The following FGF17 variants were observed in gnomAD, a reference collection of about 807,000 sequenced individuals.
The protein encoded by FGF17 is fibroblast growth factor 17.
Under a neutral mutation model 23.5 loss-of-function variants are expected in FGF17, and 5 were observed. The observed-to-expected ratio is 0.21, with a 90% confidence interval of 0.11 to 0.45. FGF17 has a LOEUF of 0.45. FGF17 is among the 20% of genes least tolerant of loss of function. The pLI is 0.99. For missense variants in FGF17, 221 were observed against 306.9 expected (o/e 0.72, Z 2.09); for synonymous variants, 136 against 123.0 (o/e 1.11, Z -0.70).
intron 3 of FGF17, 107 bp downstream of exon 3, chr8:22,046,398 C>A: frequency 6.8e-7 from 1 of 1,473,734 alleles, no homozygotes; most frequent in Non-Finnish European, 9.3e-7. Flanking sequence ...GGCTGAGGGC[C>A]CCAAGGGCCT....
intron 2 of FGF17, chr8:22,045,765 T>C (rs1020246455): frequency 8.2e-7 from 1 of 1,213,754 alleles, no homozygotes; most frequent in Non-Finnish European, 1.0e-6. Flanking sequence ...GTTCTGTCCC[T>C]AATGAGCTGT....
intron 2 of FGF17, among the ~76,000 whole-genome samples, chr8:22,044,034 C>T (rs553686845): frequency 6.6e-6 from 1 of 151,942 alleles, no homozygotes; most frequent in East Asian, 1.9e-4. Flanking sequence ...AATTCCCCCC[C>T]CCTTCCTTCC....
intron 2 of FGF17, among the ~76,000 whole-genome samples, chr8:22,044,066 C>T (rs1408028558): frequency 6.6e-6 from 1 of 151,766 alleles, no homozygotes; most frequent in Non-Finnish European, 1.5e-5. Context: ...CAGCCCCGTT[C>T]CAGGCCTTTT....
At position 22,044,206 on chromosome 8, in the gene FGF17, T is replaced by C. The variant is rs904768040; in HGVS notation, c.72+1025T>C. Among the ~76,000 whole-genome samples the C allele has an allele frequency of 2.0e-5, 3 of 152,038 alleles. No homozygotes were observed. In the East Asian group the frequency reaches 5.8e-4, roughly 30 times the overall value. On this transcript the variant is annotated intron_variant, in intron 2 of 4. Transcript: ENST00000359441. ...GCTGGCCGGGCGTTTATGGCCTGGCTGAGGCCCCATTCAGGACTCAGGGAA... is the reference window on the plus strand; with the variant it reads ...GCTGGCCGGGCGTTTATGGCCTGGCCGAGGCCCCATTCAGGACTCAGGGAA...
At chr8:22,046,420 A>G in intron 3 of FGF17, 107 bp from the exon 4 acceptor site, 3 of 1,416,842 alleles carry the variant, frequency 2.1e-6, no homozygotes, top group Non-Finnish European at 2.9e-6. Context: ...AGTGTCCCCA[A>G]CCCCTTCGCC....
upstream of FGF17, among the ~76,000 whole-genome samples, chr8:22,040,190 G>A (rs981538457): frequency 1.3e-5 from 2 of 152,238 alleles, no homozygotes; most frequent in South Asian, 2.1e-4. Flanking sequence ...CACTTGATGC[G>A]TTTCTGTGAG....
chr8:22,040,097 C>T (rs559037881), upstream of FGF17, among the ~76,000 whole-genome samples: 3 of 151,958 alleles, frequency 2.0e-5, no homozygotes, highest in Non-Finnish European at 4.4e-5. Context: ...TCCCCGAGCT[C>T]ACTCCAGTCA....
At chr8:22,042,534 GT>G, upstream of FGF17, 1 of 324,096 alleles carries the variant, frequency 3.1e-6, no homozygotes, top group Non-Finnish European at 5.7e-6. Context: ...TCTGCGTCGA[GT>G]TTGGCCAGTC....
chr8:22,048,263 G>A lies in FGF17; in HGVS notation c.*14G>A, dbSNP rs781528347. 1.5e-5 allele frequency: 24 copies of A among 1,578,686 alleles called. No individual in the cohort carries two copies. The East Asian group carries it at 5.0e-4, about 33-fold the overall frequency. ...CCCCTCACGTAGTCTGGGAGGCAGG[G>A]GGCAGCAGCCCCTGGGCCGCCTCCC... On this transcript the variant is annotated 3_prime_UTR_variant, in exon 5 of 5. Transcript: ENST00000359441. This position sits in a 1 kb window ranked among gnomAD's most constrained non-coding sequence, Gnocchi z 6.9.
At chr8:22,043,456 C>T (rs1800779960) in intron 2 of FGF17, among the ~76,000 whole-genome samples, 1 of 152,202 alleles carries the variant, frequency 6.6e-6, no homozygotes, top group Non-Finnish European at 1.5e-5. Context: ...TTCCCCCAGA[C>T]TTGAGGGATG....
intron 2 of FGF17, chr8:22,044,898 G>C (rs996435258): frequency 6.1e-6 from 6 of 985,584 alleles, no homozygotes; most frequent in Non-Finnish European, 7.2e-6. Flanking sequence ...GTCTAGCTCT[G>C]TCCAGATGGC....
chr8:22,046,737 T>C (rs1800878481), intron 4 of FGF17, 104 bp downstream of exon 4: 1 of 759,362 alleles, frequency 1.3e-6, no homozygotes, highest in Admixed American at 2.6e-5. Context: ...CACCCTCCTG[T>C]GTAAAGACTT....
intron 4 of FGF17, among the ~76,000 whole-genome samples, chr8:22,047,112 C>T (rs888082984): frequency 8.5e-5 from 13 of 152,182 alleles, no homozygotes; most frequent in Admixed American, 3.3e-4. Flanking sequence ...AATGAGTCCC[C>T]GGGACTCTAT....
chr8:22,047,066 C>T (rs1352564754), intron 4 of FGF17, among the ~76,000 whole-genome samples: 1 of 149,900 alleles, frequency 6.7e-6, no homozygotes, highest in African/African-American at 2.5e-5. Context: ...GGATTACAGG[C>T]GTGAGCCACG....
chr8:22,045,526 GC>G, intron 2 of FGF17: 4 of 993,416 alleles, frequency 4.0e-6, no homozygotes, highest in Non-Finnish European at 4.8e-6. Context: ...CACAGTTAGT[GC>G]TTCAAAGAAA....
rs750744833 is a variant in FGF17 at position 22,046,178 on chromosome 8, A to G, written c.137A>G (p.Gln46Arg). 6.2e-7 allele frequency: 1 copy of G among 1,614,164 alleles called. No homozygotes were observed. The change falls in exon 3 of 5, where the codon CAG (glutamine) becomes CGG (arginine). Residue 46 changes from glutamine to arginine, a missense_variant. By Grantham distance (43) the Gln-to-Arg change is conservative. This residue lies in a region of FGF17 where 58 missense variants were observed against 121.0 expected (regional missense o/e 0.48). Coordinates refer to ENST00000359441, the MANE Select transcript of FGF17 (RefSeq NM_003867.4). ...AGGGACCAGGGCGCCATGACCGACCAGCTGAGCAGGCGGCAGATCCGCGAG... is the reference window on the plus strand; with the variant it reads ...AGGGACCAGGGCGCCATGACCGACCGGCTGAGCAGGCGGCAGATCCGCGAG... ...YVRDQGAMTD[Q>R]LSRRQIREYQ...
At chr8:22,040,528 A>C (rs1800721632), upstream of FGF17, among the ~76,000 whole-genome samples, 1 of 152,206 alleles carries the variant, frequency 6.6e-6, no homozygotes, top group African/African-American at 2.4e-5. Context: ...GCCCAGAGCT[A>C]ACCCCCTGGC....
intron 4 of FGF17, 49 bp from the exon 5 acceptor site, chr8:22,047,907 G>T: frequency 1.3e-6 from 2 of 1,564,810 alleles, no homozygotes; most frequent in South Asian, 2.4e-5. Flanking sequence ...CGACACCCCA[G>T]ACCAGGGTAG....
intron 2 of FGF17, among the ~76,000 whole-genome samples, chr8:22,043,829 A>G (rs900654486): frequency 7.2e-6 from 1 of 138,730 alleles, no homozygotes; most frequent in Admixed American, 8.0e-5. Context: ...CTTTTTTGTG[A>G]TCCTCCATAA....
Sources: allele counts gnomAD v4.1 joint callset (sites outside exome capture counted in the v4.1 genomes callset), GRCh38; gene constraint gnomAD v4.1.1; regional missense constraint gnomAD v4.1.1; non-coding constraint Gnocchi (gnomAD v3.1); transcripts MANE v1.5; gene names NCBI Gene and HGNC (gene_info 2026-07-23, HGNC 2026-07-21).